The following GLB1L3 variants were observed in gnomAD, a reference collection of about 807,000 sequenced individuals.
GLB1L3 encodes the protein beta-galactosidase-1-like protein 3.
In GLB1L3, 89 loss-of-function variants were observed where a neutral mutation model predicts 89.5. The observed-to-expected ratio is 0.99, with a 90% CI of 0.84 to 1.19. The LOEUF (loss-of-function observed/expected upper bound fraction) is 1.19. GLB1L3 is among the 50% of genes most tolerant of loss of function. The pLI, the probability that GLB1L3 is intolerant of heterozygous loss-of-function variation, is 0.00. For synonymous variants in GLB1L3, 314 were observed against 312.3 expected, an observed-to-expected ratio of 1.01 and a Z score of -0.06; for missense variants, 812 against 813.3, an observed-to-expected ratio of 1.00 and a Z score of 0.02.
intron 9 of GLB1L3, among the ~76,000 whole-genome samples, chr11:134,297,376 A>G (rs1335860964): frequency 6.6e-6 from 1 of 152,232 alleles, no homozygotes; most frequent in Non-Finnish European, 1.5e-5. Flanking sequence ...ATTCACATTT[A>G]AAGTAGTTAT....
At chr11:134,293,911 G>A (rs559967893) in intron 9 of GLB1L3, among the ~76,000 whole-genome samples, 4 of 152,108 alleles carry the variant, frequency 2.6e-5, no homozygotes, top group East Asian at 1.9e-4. Context: ...CTCTGCCTCC[G>A]CTCCCAGCCC....
chr11:134,308,377 CCAT>C (rs1565413416), intron 10 of GLB1L3, among the ~76,000 whole-genome samples: 19 of 52,616 alleles, frequency 3.6e-4, no homozygotes, highest in Middle Eastern at 7.9e-3. Context: ...ACCACCACCA[CCAT>C]CACCACCATC....
chr11:134,309,447 GT>G (rs573805604), intron 10 of GLB1L3, among the ~76,000 whole-genome samples, 178 bp from the exon 11 acceptor site: 3,052 of 136,856 alleles, frequency 0.022, 91 homozygotes, highest in African/African-American at 0.069. Flanking sequence ...GAGAAAAATT[GT>G]TTTTTTTTTT....
At chr11:134,320,512 T>C (rs909360925), downstream of GLB1L3, among the ~76,000 whole-genome samples, 3 of 152,136 alleles carry the variant, frequency 2.0e-5, no homozygotes, top group Non-Finnish European at 4.4e-5. Flanking sequence ...ATGCAACATA[T>C]CCATTTTACA....
chr11:134,311,455 G>A (rs894890333), intron 13 of GLB1L3: 8 of 275,964 alleles, frequency 2.9e-5, no homozygotes, highest in South Asian at 7.5e-5. Context: ...TGGTCCTTAC[G>A]GAATCCACGT....
At chr11:134,324,538 A>C (rs148303926), downstream of GLB1L3, among the ~76,000 whole-genome samples, 1 of 152,324 alleles carries the variant, frequency 6.6e-6, no homozygotes, top group African/African-American at 2.4e-5. Context: ...AAGTTGGATT[A>C]GTGAGAACAT....
rs369201982 is a variant in GLB1L3 at position 134,279,787 on chromosome 11, A to ATCTATT, written c.363-1588_363-1583dup. Among the ~76,000 whole-genome samples the ATCTATT allele has an allele frequency of 1.4e-3, 215 of 151,882 alleles. 1 individual carries two copies. Among genetic ancestry groups the ATCTATT allele is most frequent in the African/African-American group, 4.9e-3 (201 of 41,432 alleles). ...TGTTTTTTTCTTTTTTCTTAATCTT[A>ATCTATT]TCTATTTAGTCTTTTCAGATAACTA... On this transcript the variant is annotated intron_variant, in intron 3 of 19. Transcript: ENST00000431683.
At chr11:134,276,360 G>T (rs1021035427), upstream of GLB1L3, 5 of 203,020 alleles carry the variant, frequency 2.5e-5, no homozygotes, top group Non-Finnish European at 2.9e-5. Flanking sequence ...CGCTCTCTCC[G>T]CCCCTCTCCC....
At chr11:134,278,317 G>C (rs1940491944) in intron 3 of GLB1L3, among the ~76,000 whole-genome samples, 1 of 151,744 alleles carries the variant, frequency 6.6e-6, no homozygotes, top group Admixed American at 6.6e-5. Context: ...TTGTTGTTCT[G>C]TTTGTTGCTC....
At chr11:134,282,444 G>A (rs1235012345) in intron 5 of GLB1L3, among the ~76,000 whole-genome samples, 2 of 152,158 alleles carry the variant, frequency 1.3e-5, no homozygotes, top group African/African-American at 4.8e-5. Context: ...CCCCATGCAG[G>A]AGGGGCTGTA....
At chr11:134,323,074 ACTT>A (rs1446942818), downstream of GLB1L3, among the ~76,000 whole-genome samples, 22 of 152,180 alleles carry the variant, frequency 1.4e-4, no homozygotes, top group African/African-American at 4.6e-4. Context: ...CCTCACCAAC[ACTT>A]GATTTTAAGC....
chr11:134,303,145 T>C (rs1476712417), intron 9 of GLB1L3, among the ~76,000 whole-genome samples: 3 of 152,352 alleles, frequency 2.0e-5, no homozygotes, highest in African/African-American at 4.8e-5. Context: ...GTCATTGATA[T>C]TGCCATGCCA....
intron 5 of GLB1L3, among the ~76,000 whole-genome samples, chr11:134,283,028 G>A (rs911671898): frequency 3.1e-4 from 47 of 152,208 alleles, no homozygotes; most frequent in African/African-American, 9.6e-4. Context: ...TAGTGGAAAT[G>A]TGACACTGTG....
At chr11:134,320,393 A>G (rs370338799), downstream of GLB1L3, among the ~76,000 whole-genome samples, 16 of 152,310 alleles carry the variant, frequency 1.1e-4, 1 homozygote, top group African/African-American at 3.6e-4. Flanking sequence ...TATGAACTCT[A>G]TAGAAACTGC....
In GLB1L3 at chr11:134,318,742, A is replaced by AT. The variant is rs1197411702; in HGVS notation, c.1891_1892insT (p.Asn631IlefsTer2). 6.3e-7 allele frequency: 1 copy of AT among 1,598,936 alleles called. No homozygotes were observed. Reference sequence around the variant, plus strand: ...TGGAGTTTGGCTTCATCCAGAAGACAATGAGGTATGTCACTCCAGTCTCTG... The same window carrying AT: ...TGGAGTTTGGCTTCATCCAGAAGACATATGAGGTATGTCACTCCAGTCTCTG... On this transcript the variant is annotated frameshift_variant, in exon 19 of 20. Transcript: ENST00000431683. LOFTEE classifies it low-confidence loss of function (END_TRUNC).
At chr11:134,292,034 C>A in intron 7 of GLB1L3, 98 bp from the exon 8 acceptor site, 3 of 767,982 alleles carry the variant, frequency 3.9e-6, no homozygotes, top group Non-Finnish European at 4.4e-6. Flanking sequence ...TTGCAGAATG[C>A]ATGGATGCAG....
chr11:134,277,453 TTTGC>T lies in GLB1L3; in HGVS notation c.149+6_149+9del, dbSNP rs1565385210. ...AAGAGCGCATCCGTCCCAGCCTAGG[TTTGC>T]TTGAGAGCTACATCCCTGGGGAGGG... On this transcript the variant is annotated splice_donor_5th_base_variant and intron_variant, in intron 2 of 19. Coordinates refer to ENST00000431683, the MANE Select transcript of GLB1L3 (RefSeq NM_001080407.3). 6.2e-6 allele frequency: 10 copies of T among 1,611,772 alleles called. No homozygotes were observed. The highest frequency in any genetic ancestry group is 8.5e-6 in the Non-Finnish European group (10 of 1,178,570).
chr11:134,312,314 C>A (rs563827185), intron 13 of GLB1L3, 35 bp from the exon 14 acceptor site: 2 of 1,608,760 alleles, frequency 1.2e-6, no homozygotes, highest in East Asian at 4.5e-5. Context: ...ACTGCTCAGC[C>A]CTTGGACTTC....
intron 9 of GLB1L3, among the ~76,000 whole-genome samples, chr11:134,295,844 A>G (rs538291765): frequency 1.3e-5 from 2 of 152,110 alleles, no homozygotes; most frequent in African/African-American, 4.8e-5. Flanking sequence ...ATTTTTTTAA[A>G]TTTCCCTTGA....
Sources: gnomAD v4.1 joint callset for allele counts (sites outside exome capture counted in the v4.1 genomes callset) on GRCh38, gnomAD v4.1.1 for gene constraint, MANE v1.5 for transcripts, NCBI Gene and HGNC (gene_info 2026-07-23, HGNC 2026-07-21) for gene names.